Variants in CFAP92 observed in about 807,000 individuals in gnomAD.
The protein encoded by CFAP92 is uncharacterized protein CFAP92.
In CFAP92, 86 loss-of-function variants were observed where a neutral mutation model predicts 106.3. That is an observed-to-expected ratio of 0.81 (90% confidence interval 0.68 to 0.97). The LOEUF is 0.97. CFAP92 is among the 50% of genes least tolerant of loss of function. CFAP92 has a pLI of 0.00. For missense variants in CFAP92, 1,204 were observed against 1,283.8 expected (o/e 0.94, Z 0.95); for synonymous variants, 477 against 506.4 (o/e 0.94, Z 0.78).
chr3:128,983,984 G>A (rs1559930272), intron 4 of CFAP92, among the ~76,000 whole-genome samples: 1 of 152,216 alleles, frequency 6.6e-6, no homozygotes, highest in Admixed American at 6.5e-5. Context: ...ACAAACCTGA[G>A]TGCAGAGAAA....
At position 128,926,899 on chromosome 3, in the gene CFAP92, G is replaced by T. The variant is rs559965625; in HGVS notation, c.2751+5801C>A. On this transcript the variant is annotated intron_variant, in intron 12 of 15. Coordinates refer to ENST00000645291, the MANE Select transcript of CFAP92 (RefSeq NM_001394090.1). ...TCACAAGGTCAGGAGATTGAGACCA[G>T]TGTGGCCAACATGGTGAAACCCTGT... Among the ~76,000 whole-genome samples the T allele has an allele frequency of 2.6e-5, 4 of 152,098 alleles. No individual in the cohort carries two copies. The East Asian group carries it at 7.8e-4, about 30-fold the overall frequency.
Position 128,915,517 on chromosome 3 carries a change from A to G in CFAP92, c.2963T>C (p.Met988Thr), listed in dbSNP as rs903739021. 71 of 1,535,412 alleles carry G rather than the reference A, an allele frequency of 4.6e-5. No homozygotes were observed. The highest frequency in any genetic ancestry group is 5.9e-5 in the Non-Finnish European group (68 of 1,146,688). Residue 988 changes from methionine (M) to threonine (T), a missense_variant, in exon 14 of 16, where the codon ATG (methionine) becomes ACG (threonine). Transcript: ENST00000645291. ...TTCCTTCAAGTCCAGGGGCTCCACC[A>G]TGGCTGAGAGGTAATCCTGTGAGTA... is the stretch of plus-strand genomic sequence containing the variant. The part of the protein sequence containing the change: ...FTYSQDYLSA[M>T]VEPLDLKEEE...
At chr3:128,948,190 T>TTA (rs949982043) in intron 9 of CFAP92, among the ~76,000 whole-genome samples, 32 of 151,336 alleles carry the variant, frequency 2.1e-4, no homozygotes, top group East Asian at 1.6e-3. Flanking sequence ...CACACATTTA[T>TTA]TATATATATA....
intron 1 of CFAP92, chr3:129,002,176 G>C: frequency 6.8e-7 from 1 of 1,479,530 alleles, no homozygotes. Flanking sequence ...CGCCGCCGCC[G>C]CCGCCCGCCC....
Position 128,987,727 on chromosome 3 carries a change from TG to T in CFAP92, c.555del (p.His185GlnfsTer5). On this transcript the variant is annotated frameshift_variant, in exon 4 of 16. Transcript: ENST00000645291. LOFTEE classifies it high-confidence loss of function. ...TKELLKKINF[H>X]KITLRLWNTK... ...GTGTTCCAGAGCCTCAAGGTGATTT[TG>T]TGGAAATTTATTTTCTTTAATAATT... The T allele has an allele frequency of 6.2e-7, 1 of 1,614,004 alleles. No individual in the cohort carries two copies. The highest frequency in any genetic ancestry group is 8.5e-7 in the Non-Finnish European group (1 of 1,179,840).
intron 9 of CFAP92, among the ~76,000 whole-genome samples, chr3:128,955,657 AC>A (rs1371860310): frequency 2.1e-5 from 1 of 48,560 alleles, no homozygotes; most frequent in Non-Finnish European, 3.0e-5. Context: ...CCCAGCCACC[AC>A]CCCGTCTGGG....
chr3:128,928,121 C>T (rs571868205), intron 12 of CFAP92, among the ~76,000 whole-genome samples: 13 of 151,968 alleles, frequency 8.6e-5, no homozygotes, highest in Non-Finnish European at 1.6e-4. Context: ...GGAGTGGTGG[C>T]GGGTATGTGT....
chr3:128,965,760 T>A (rs1942318444), intron 8 of CFAP92, 65 bp from the exon 9 acceptor site: 1 of 391,524 alleles, frequency 2.6e-6, no homozygotes, highest in Non-Finnish European at 4.5e-6. Flanking sequence ...CACAGAGGGA[T>A]CAAGCAACCT....
chr3:128,948,025 C>T (rs929233259), intron 9 of CFAP92, among the ~76,000 whole-genome samples: 2 of 151,948 alleles, frequency 1.3e-5, no homozygotes, highest in African/African-American at 2.4e-5. Flanking sequence ...AAAATTTTTG[C>T]TCTGCAAAAG....
At chr3:128,925,350 G>T (rs888784378) in intron 12 of CFAP92, among the ~76,000 whole-genome samples, 1 of 152,142 alleles carries the variant, frequency 6.6e-6, no homozygotes, top group African/African-American at 2.4e-5. Context: ...CTGACAGGAG[G>T]TGGAGCTCAG....
rs1347086413 is a variant in CFAP92 at position 128,956,961 on chromosome 3, CAG to C, written c.1353+8548_1353+8549del. 2.4e-5 allele frequency among the ~76,000 whole-genome samples: 3 copies of C among 127,062 alleles called. No individual in the cohort carries two copies. The East Asian group carries it at 6.9e-4, about 29-fold the overall frequency. 83.4% of individuals were successfully genotyped at this position (127,062 alleles called of 152,430 possible). ...TGCCACTACACTCCAGCCTGGGTGA[CAG>C]AGCCAGACTCTCTCAAAAAAAAAAA... On this transcript the variant is annotated intron_variant, in intron 9 of 15. Transcript: ENST00000645291.
chr3:128,910,067 T>A lies in CFAP92; in HGVS notation c.*232A>T. ...GTACTGAAGCGGGTGGCCAACATCC[T>A]CATCAACCTGTATGGCATGACGGCC... is the stretch of plus-strand genomic sequence containing the variant. On this transcript the variant is annotated 3_prime_UTR_variant, in exon 16 of 16. Transcript: ENST00000645291. 1 of 1,614,006 alleles carries A rather than the reference T, an allele frequency of 6.2e-7. No individual in the cohort carries two copies. The highest frequency in any genetic ancestry group is 8.5e-7 in the Non-Finnish European group (1 of 1,180,000).
upstream of CFAP92, chr3:129,004,071 G>A (rs1047682690): frequency 4.7e-6 from 7 of 1,502,964 alleles, no homozygotes; most frequent in Non-Finnish European, 6.2e-6. Context: ...GAGCTGCAAC[G>A]CTACAGGTGA....
chr3:128,913,456 C>T (rs1395496277), intron 15 of CFAP92, among the ~76,000 whole-genome samples: 1 of 142,008 alleles, frequency 7.0e-6, no homozygotes, highest in African/African-American at 2.6e-5. Context: ...TCCAGCCTCC[C>T]TTCTGCTGGC....
chr3:128,964,512 T>A (rs1942213703), intron 9 of CFAP92, among the ~76,000 whole-genome samples: 3 of 152,200 alleles, frequency 2.0e-5, no homozygotes, highest in Non-Finnish European at 2.9e-5. Context: ...ACAGCTGATA[T>A]CTCCTGGTGC....
chr3:128,910,142 A>G lies in CFAP92; in HGVS notation c.*157T>C, dbSNP rs1217754875. The G allele has an allele frequency of 6.2e-7, 1 of 1,613,992 alleles. No individual in the cohort carries two copies. Among genetic ancestry groups the G allele is most frequent in the Non-Finnish European group, 8.5e-7 (1 of 1,180,026 alleles). ...ATCCGCATTGGGCTCCGCAACCACGACCACGAGGTGAGCCCAGCCCAGCCT... is the reference window on the plus strand; with the variant it reads ...ATCCGCATTGGGCTCCGCAACCACGGCCACGAGGTGAGCCCAGCCCAGCCT... On this transcript the variant is annotated 3_prime_UTR_variant, in exon 16 of 16. Coordinates refer to ENST00000645291, the MANE Select transcript of CFAP92 (RefSeq NM_001394090.1).
At chr3:128,999,436 T>C (rs1175756126) in intron 1 of CFAP92, among the ~76,000 whole-genome samples, 1 of 151,906 alleles carries the variant, frequency 6.6e-6, no homozygotes, top group Non-Finnish European at 1.5e-5. Flanking sequence ...GTTCAAAGGA[T>C]TCCTTCACCA....
At chr3:128,972,669 A>C (rs759727246) in intron 7 of CFAP92, among the ~76,000 whole-genome samples, 4 of 151,770 alleles carry the variant, frequency 2.6e-5, no homozygotes, top group Non-Finnish European at 2.9e-5. Flanking sequence ...TAGCCTGGCC[A>C]ACATGGTGAA....
At chr3:128,978,401 C>A (rs1943299115) in intron 4 of CFAP92, 2 of 409,600 alleles carry the variant, frequency 4.9e-6, no homozygotes, top group Admixed American at 4.3e-5. Flanking sequence ...AGCATTATAT[C>A]TAAAAAAAAA....
Sources: allele counts gnomAD v4.1 joint callset (sites outside exome capture counted in the v4.1 genomes callset), GRCh38; gene constraint gnomAD v4.1.1; transcripts MANE v1.5; gene names NCBI Gene and HGNC (gene_info 2026-07-23, HGNC 2026-07-21).